Variants in PPARGC1A observed in about 807,000 individuals in gnomAD.
The protein encoded by PPARGC1A is peroxisome proliferator-activated receptor gamma coactivator 1-alpha.
A neutral mutation model predicts 88.7 loss-of-function variants in PPARGC1A; 25 were observed. That is an observed-to-expected ratio of 0.28 (90% CI 0.21 to 0.39). PPARGC1A has a LOEUF of 0.39. Ranked by LOEUF, PPARGC1A falls within the 10% of genes least tolerant of loss-of-function variation. PPARGC1A has a pLI of 1.00. For missense variants in PPARGC1A, 880 were observed against 968.7 expected (o/e 0.91, Z 1.22); for synonymous variants, 363 against 355.6 (o/e 1.02, Z -0.24).
At chr4:24,471,683 C>T in the PPARGC1A span, among the ~76,000 whole-genome samples, 5 of 152,142 alleles carry the variant, frequency 3.3e-5, no homozygotes, top group African/African-American at 4.8e-5. This position sits in a 1 kb window ranked among gnomAD's most constrained non-coding sequence, Gnocchi z 5.4. Context: ...ACACGCACAC[C>T]TACAGGCCGG....
the PPARGC1A span, among the ~76,000 whole-genome samples, chr4:23,944,358 T>C: frequency 7.1e-4 from 108 of 152,344 alleles, no homozygotes; most frequent in African/African-American, 2.6e-3. Context: ...CAAAGCACCC[T>C]GAACTTCTCC....
At chr4:23,819,074 T>C (rs1401979347) in intron 7 of PPARGC1A, among the ~76,000 whole-genome samples, 1 of 152,028 alleles carries the variant, frequency 6.6e-6, no homozygotes, top group African/African-American at 2.4e-5. Context: ...TACTCACATA[T>C]TTCAGGCCTC....
At chr4:24,133,906 A>G in the PPARGC1A span, among the ~76,000 whole-genome samples, 172 of 152,356 alleles carry the variant, frequency 1.1e-3, no homozygotes, top group Non-Finnish European at 2.0e-3. Context: ...CTGTCCCTTC[A>G]GAATACAATC....
chr4:24,274,857 G>C, the PPARGC1A span, among the ~76,000 whole-genome samples: 1 of 152,024 alleles, frequency 6.6e-6, no homozygotes, highest in African/African-American at 2.4e-5. Context: ...TGTCCCATGG[G>C]TAATGATTCA....
chr4:24,430,708 A>G, the PPARGC1A span, among the ~76,000 whole-genome samples: 1 of 152,114 alleles, frequency 6.6e-6, no homozygotes, highest in Non-Finnish European at 1.5e-5. Context: ...TGATAATTTC[A>G]GTAACAAGGT....
At chr4:24,287,676 A>G in the PPARGC1A span, among the ~76,000 whole-genome samples, 2 of 141,040 alleles carry the variant, frequency 1.4e-5, no homozygotes, top group African/African-American at 5.2e-5. Flanking sequence ...AACTGCACTC[A>G]TCTGGTGCAC....
At chr4:24,012,248 T>C in the PPARGC1A span, among the ~76,000 whole-genome samples, 1 of 152,086 alleles carries the variant, frequency 6.6e-6, no homozygotes, top group Non-Finnish European at 1.5e-5. Flanking sequence ...AGAAAAAATA[T>C]GTTGTGGGTC....
intron 6 of PPARGC1A, 39 bp downstream of exon 6, chr4:23,824,424 C>CT: frequency 6.2e-7 from 1 of 1,605,392 alleles, no homozygotes; most frequent in Non-Finnish European, 8.5e-7. Context: ...TTAGAACCCC[C>CT]TTCCCTTTCA....
the PPARGC1A span, among the ~76,000 whole-genome samples, chr4:24,311,890 T>C: frequency 1.3e-5 from 2 of 152,100 alleles, no homozygotes; most frequent in African/African-American, 4.8e-5. Context: ...GATGAAATCA[T>C]TTTTGTCAGA....
At chr4:24,027,229 G>C in the PPARGC1A span, among the ~76,000 whole-genome samples, 19,779 of 142,852 alleles carry the variant, frequency 0.14, 1,456 homozygotes, top group South Asian at 0.2. Context: ...CTGTGTGTCT[G>C]TGTGTGTCTG....
At chr4:24,190,945 G>C in the PPARGC1A span, among the ~76,000 whole-genome samples, 4 of 59,296 alleles carry the variant, frequency 6.7e-5, no homozygotes, top group Non-Finnish European at 1.9e-4. Flanking sequence ...GCTCCTGCAG[G>C]GTGCCTGAAT....
the PPARGC1A span, among the ~76,000 whole-genome samples, chr4:23,916,982 T>G: frequency 6.6e-6 from 1 of 152,114 alleles, no homozygotes. Context: ...GGGGAAGGTG[T>G]TGTGGACTAT....
the PPARGC1A span, among the ~76,000 whole-genome samples, chr4:24,186,369 G>C: frequency 0.011 from 1,632 of 152,230 alleles, 27 homozygotes; most frequent in African/African-American, 0.038. Context: ...CTACAGCTGT[G>C]CCTCCCATGA....
At position 23,794,596 on chromosome 4, in the gene PPARGC1A, CT is replaced by C. The variant is rs1717180825; in HGVS notation, c.*1225del. The C allele has an allele frequency of 1.3e-5, 2 of 152,400 alleles. No individual in the cohort carries two copies. The highest frequency in any genetic ancestry group is 4.8e-5 in the African/African-American group (2 of 41,370). 9.4% of individuals were successfully genotyped at this position (152,400 alleles called of 1,614,324 possible). A position where few individuals can be genotyped will look rare whatever the true frequency, so the allele number is the denominator to read the frequency against. ...TGTTAGTGTACAATAATTGTTTCAC[CT>C]CATAATTACATTTGAATATTCTTGA... On this transcript the variant is annotated 3_prime_UTR_variant, in exon 13 of 13. Transcript: ENST00000264867.
At chr4:24,018,896 G>A in the PPARGC1A span, among the ~76,000 whole-genome samples, 1 of 151,988 alleles carries the variant, frequency 6.6e-6, no homozygotes, top group African/African-American at 2.4e-5. Flanking sequence ...GAAAAAAGTA[G>A]ATAAGCAAAA....
At chr4:24,063,141 A>G in the PPARGC1A span, among the ~76,000 whole-genome samples, 1 of 152,086 alleles carries the variant, frequency 6.6e-6, no homozygotes, top group Admixed American at 6.5e-5. Context: ...CCTTCTCCCA[A>G]GTGGGCCCTT....
chr4:24,404,090 T>G, the PPARGC1A span, among the ~76,000 whole-genome samples: 24 of 151,766 alleles, frequency 1.6e-4, no homozygotes, highest in African/African-American at 5.8e-4. Context: ...GGTGAAACCC[T>G]GTCTCTACTA....
chr4:24,450,930 T>G, the PPARGC1A span, among the ~76,000 whole-genome samples: 3 of 152,302 alleles, frequency 2.0e-5, no homozygotes, highest in East Asian at 5.8e-4. Flanking sequence ...AAAGACTGTC[T>G]CAGAAACCAA....
At chr4:24,231,344 C>T in the PPARGC1A span, among the ~76,000 whole-genome samples, 128 of 152,260 alleles carry the variant, frequency 8.4e-4, no homozygotes, top group African/African-American at 2.6e-3. Context: ...CATTTTGTGA[C>T]GCAAGGGTAG....
Sources: gnomAD v4.1 joint callset for allele counts (sites outside exome capture counted in the v4.1 genomes callset) on GRCh38, gnomAD v4.1.1 for gene constraint, Gnocchi (gnomAD v3.1) non-coding constraint, MANE v1.5 for transcripts, NCBI Gene and HGNC (gene_info 2026-07-23, HGNC 2026-07-21) for gene names.